DSCAM: variants seen among roughly 807,000 people sequenced by gnomAD.
DSCAM encodes the protein DS cell adhesion molecule, also known as cell adhesion molecule DSCAM.
In DSCAM, 47 loss-of-function variants were observed where a neutral mutation model predicts 217.7. That is an observed-to-expected ratio of 0.22 (90% confidence interval 0.17 to 0.28). DSCAM has a LOEUF of 0.28. Ranked by LOEUF, DSCAM falls within the 10% of genes least tolerant of loss-of-function variation. The pLI, the probability that DSCAM is intolerant of heterozygous loss-of-function variation, is 1.00. For synonymous variants in DSCAM, 1,056 were observed against 1,015.3 expected, an observed-to-expected ratio of 1.04 and a Z score of -0.76; for missense variants, 2,080 against 2,618.3, an observed-to-expected ratio of 0.79 and a Z score of 4.49.
At chr21:40,202,155 T>C (rs1045451468) in intron 11 of DSCAM, among the ~76,000 whole-genome samples, 4 of 152,180 alleles carry the variant, frequency 2.6e-5, no homozygotes, top group Admixed American at 1.3e-4. Context: ...CTTGGGCCAA[T>C]AGCCTGCCAA....
chr21:40,257,593 A>G (rs1448585472), intron 11 of DSCAM, among the ~76,000 whole-genome samples: 1 of 152,068 alleles, frequency 6.6e-6, no homozygotes, highest in Non-Finnish European at 1.5e-5. Context: ...TTACCTTGGG[A>G]GACAGGACTG....
rs559811738 is a variant in DSCAM at position 40,419,314 on chromosome 21, A to G, written c.509-50069T>C. ...ATTTTTTAAATGTATTCAAGAGTTC[A>G]TAAAATCCTGTGTTTTCAGATAGAA... On this transcript the variant is annotated intron_variant, in intron 3 of 32. Coordinates refer to ENST00000400454, the MANE Select transcript of DSCAM (RefSeq NM_001389.5). 2.1e-3 allele frequency among the ~76,000 whole-genome samples: 318 copies of G among 152,292 alleles called. 1 individual carries two copies. Among genetic ancestry groups the G allele is most frequent in the African/African-American group, 7.3e-3 (303 of 41,562 alleles).
chr21:40,817,892 C>T (rs374654472), intron 1 of DSCAM, among the ~76,000 whole-genome samples: 32 of 141,816 alleles, frequency 2.3e-4, no homozygotes, highest in East Asian at 2.2e-3. Flanking sequence ...GTCAGGAGAT[C>T]GAGACCATCC....
chr21:40,053,063 A>T (rs1376568994), intron 29 of DSCAM, among the ~76,000 whole-genome samples: 1 of 152,228 alleles, frequency 6.6e-6, no homozygotes, highest in African/African-American at 2.4e-5. Context: ...ACCATACTGC[A>T]GCCCTGCCCT....
intron 3 of DSCAM, among the ~76,000 whole-genome samples, chr21:40,598,326 C>T (rs1467952739): frequency 3.3e-5 from 5 of 152,146 alleles, no homozygotes; most frequent in African/African-American, 1.2e-4. Flanking sequence ...TTCACTCACT[C>T]AGTTGCTGAA....
intron 11 of DSCAM, among the ~76,000 whole-genome samples, chr21:40,266,776 G>GCATA (rs2073540449): frequency 5.2e-5 from 1 of 19,304 alleles, no homozygotes; most frequent in East Asian, 1.4e-3. Flanking sequence ...ATTTTCACAT[G>GCATA]CATATATATA....
At chr21:40,593,474 C>A (rs566031652) in intron 3 of DSCAM, among the ~76,000 whole-genome samples, 4 of 152,052 alleles carry the variant, frequency 2.6e-5, no homozygotes, top group African/African-American at 7.2e-5. Flanking sequence ...TACAGGCATG[C>A]TCCACCACAA....
At chr21:40,021,161 G>C (rs1222402458) in intron 32 of DSCAM, among the ~76,000 whole-genome samples, 1 of 114,882 alleles carries the variant, frequency 8.7e-6, no homozygotes, top group Non-Finnish European at 1.7e-5. Flanking sequence ...CAGAAAGAAA[G>C]AAACGTAGCA....
At chr21:40,376,521 T>TCTTATATCGATATCTAAA (rs2074956514) in intron 3 of DSCAM, among the ~76,000 whole-genome samples, 1 of 97,806 alleles carries the variant, frequency 1.0e-5, no homozygotes, top group African/African-American at 3.9e-5. Flanking sequence ...GATATCTATA[T>TCTTATATCGATATCTAAA]ATCTTATATA....
rs2075629071 is a variant in DSCAM, at chr21:40,441,381, T to C, written c.509-72136A>G. Among the ~76,000 whole-genome samples the C allele has an allele frequency of 4.6e-5, 7 of 152,218 alleles. 1 individual carries two copies. The highest frequency in any genetic ancestry group is 4.6e-4 in the Admixed American group (7 of 15,280). ...AGCGTTGACCATGTGTGAGTTGTCA[T>C]GTGCCTCTAACAAGCAGGATTATTC... On this transcript the variant is annotated intron_variant, in intron 3 of 32. Coordinates refer to ENST00000400454, the MANE Select transcript of DSCAM (RefSeq NM_001389.5).
chr21:40,020,528 TGTGAGAGA>T (rs1460708465), intron 32 of DSCAM, among the ~76,000 whole-genome samples: 3 of 149,842 alleles, frequency 2.0e-5, no homozygotes, highest in South Asian at 2.1e-4. Context: ...TGTGTGTGTG[TGTGAGAGA>T]GAGAGAGAGA....
At chr21:40,159,392 ACC>A (rs200668365) in intron 16 of DSCAM, among the ~76,000 whole-genome samples, 1 of 152,246 alleles carries the variant, frequency 6.6e-6, no homozygotes, top group East Asian at 1.9e-4. Flanking sequence ...GTGTATATCC[ACC>A]TATGCACTCC....
At chr21:40,277,170 T>G (rs717416) in intron 10 of DSCAM, among the ~76,000 whole-genome samples, 1 of 151,676 alleles carries the variant, frequency 6.6e-6, no homozygotes, top group African/African-American at 2.4e-5. Context: ...ATCTGGGGAC[T>G]TGAGGGGAAA....
intron 3 of DSCAM, among the ~76,000 whole-genome samples, chr21:40,674,056 C>G (rs1352602624): frequency 6.6e-6 from 1 of 152,200 alleles, no homozygotes. Flanking sequence ...CTGCATGGAA[C>G]TGGGTTGCTA....
chr21:40,701,723 AG>A (rs2146468501), intron 2 of DSCAM, among the ~76,000 whole-genome samples: 1 of 151,954 alleles, frequency 6.6e-6, no homozygotes, highest in East Asian at 1.9e-4. Flanking sequence ...TTCAGTATTC[AG>A]GTACTTGGTT....
intron 4 of DSCAM, among the ~76,000 whole-genome samples, chr21:40,365,941 A>G (rs1336277193): frequency 6.7e-6 from 1 of 149,724 alleles, no homozygotes; most frequent in African/African-American, 2.5e-5. Flanking sequence ...TATTTTACTG[A>G]CTTTTTTTTT....
chr21:40,042,663 T>A lies in DSCAM; in HGVS notation c.5394A>T (p.Arg1798Ser). The A allele has an allele frequency of 3.1e-6, 4 of 1,289,570 alleles. No individual in the cohort carries two copies. Among genetic ancestry groups the A allele is most frequent in the Non-Finnish European group, 4.0e-6 (4 of 1,009,692 alleles). The allele number at this position is 1,289,570 out of a possible 1,614,324, so 79.9% of individuals were successfully genotyped here. A position where few individuals can be genotyped will look rare whatever the true frequency, so the allele number is the denominator to read the frequency against. ...CACTTTCTGTGGAGACCATGCTGCTTCTTGCTCGATCTACACCAGGAAAGA... is the reference window on the plus strand; with the variant it reads ...CACTTTCTGTGGAGACCATGCTGCTACTTGCTCGATCTACACCAGGAAAGA... ...VSPSQDTDRA[R>S]SSMVSTESAS... Residue 1798 changes from arginine (R) to serine (S), a missense_variant, in exon 32 of 33, where the codon AGA becomes AGT. Coordinates refer to ENST00000400454, the MANE Select transcript of DSCAM (RefSeq NM_001389.5).
At chr21:40,661,065 G>C (rs1291217365) in intron 3 of DSCAM, among the ~76,000 whole-genome samples, 1 of 152,160 alleles carries the variant, frequency 6.6e-6, no homozygotes. Flanking sequence ...TGGCCTGGAG[G>C]CTTCCGGAAA....
chr21:40,744,734 T>TA (rs774428704), intron 1 of DSCAM, among the ~76,000 whole-genome samples: 10 of 151,662 alleles, frequency 6.6e-5, no homozygotes, highest in African/African-American at 1.7e-4. Flanking sequence ...AAAAATTGTT[T>TA]AAAAAAAACA....
Sources: allele counts gnomAD v4.1 joint callset (sites outside exome capture counted in the v4.1 genomes callset), GRCh38; gene constraint gnomAD v4.1.1; transcripts MANE v1.5; gene names NCBI Gene and HGNC (gene_info 2026-07-23, HGNC 2026-07-21).